Variants in GHR observed in about 807,000 individuals in gnomAD.
The protein encoded by GHR is GH receptor.
GHR carries 35 observed loss-of-function variants against 67.1 expected under a neutral mutation model. The observed-to-expected ratio is 0.52, with a 90% CI of 0.40 to 0.69. The LOEUF (loss-of-function observed/expected upper bound fraction) is 0.69. Among genes scored for constraint, GHR ranks in the 30% least tolerant of loss-of-function variants. The pLI, the probability that GHR is intolerant of heterozygous loss-of-function variation, is 0.00. For missense variants in GHR, 792 were observed against 764.6 expected, an observed-to-expected ratio of 1.04 and a Z score of -0.42; for synonymous variants, 272 against 269.1, an observed-to-expected ratio of 1.01 and a Z score of -0.10.
At chr5:42,672,032 C>A (rs894345127) in intron 3 of GHR, among the ~76,000 whole-genome samples, 1 of 151,148 alleles carries the variant, frequency 6.6e-6, no homozygotes, top group East Asian at 1.9e-4. Flanking sequence ...GACAAACCCA[C>A]AACAACATAA....
chr5:42,541,791 T>G (rs996008346), intron 1 of GHR, among the ~76,000 whole-genome samples: 1 of 152,148 alleles, frequency 6.6e-6, no homozygotes, highest in Admixed American at 6.5e-5. Context: ...GGAGTGTTAC[T>G]TATGGGGTAT....
chr5:42,599,574 T>A (rs1283157134), intron 2 of GHR, among the ~76,000 whole-genome samples: 1 of 152,044 alleles, frequency 6.6e-6, no homozygotes, highest in African/African-American at 2.4e-5. Context: ...TTGGCCAGGC[T>A]GGTCTTGAAC....
chr5:42,460,439 T>C (rs755545346), intron 1 of GHR, among the ~76,000 whole-genome samples: 1 of 152,218 alleles, frequency 6.6e-6, no homozygotes, highest in African/African-American at 2.4e-5. Flanking sequence ...CGCATGCTTT[T>C]GCTGTGAGTT....
intron 2 of GHR, among the ~76,000 whole-genome samples, chr5:42,590,178 A>G (rs1310661184): frequency 6.6e-6 from 1 of 152,218 alleles, no homozygotes; most frequent in Non-Finnish European, 1.5e-5. Flanking sequence ...CTGGGCAAGT[A>G]CATATATGAA....
chr5:42,531,007 G>A (rs1028006108), intron 1 of GHR, among the ~76,000 whole-genome samples: 17 of 152,108 alleles, frequency 1.1e-4, no homozygotes, highest in African/African-American at 3.6e-4. Context: ...AGTGGCTCAC[G>A]CCTGTAATCC....
intron 3 of GHR, among the ~76,000 whole-genome samples, chr5:42,681,912 G>A (rs1363017128): frequency 1.4e-5 from 2 of 142,226 alleles, no homozygotes; most frequent in Non-Finnish European, 3.0e-5. Context: ...GTCCAGCCTG[G>A]GCAAAAGGGC....
At chr5:42,619,458 C>A (rs1206490742) in intron 2 of GHR, among the ~76,000 whole-genome samples, 1 of 152,102 alleles carries the variant, frequency 6.6e-6, no homozygotes. Flanking sequence ...CTCCCCACAT[C>A]TTCCCAGCTG....
Position 42,719,883 on chromosome 5 carries a change from G to A in GHR, c.*459G>A. The stretch of plus-strand genomic sequence containing the variant: ...TTTATTTAAAAAACTAAAAACTAGA[G>A]GTGAGAAATTTAAACTATAAGCAAG... On this transcript the variant is annotated 3_prime_UTR_variant, in exon 10 of 10. Transcript: ENST00000230882. The A allele has an allele frequency of 5.5e-6, 1 of 180,630 alleles. No homozygotes were observed. The highest frequency in any genetic ancestry group is 2.4e-5 in the African/African-American group (1 of 41,756). 11.2% of individuals were successfully genotyped at this position (180,630 alleles called of 1,614,324 possible).
At chr5:42,597,305 A>T (rs1436686377) in intron 2 of GHR, among the ~76,000 whole-genome samples, 1 of 152,190 alleles carries the variant, frequency 6.6e-6, no homozygotes, top group African/African-American at 2.4e-5. Context: ...TAGTAAAATG[A>T]TCATGAAGTG....
At chr5:42,468,554 C>T (rs1360807218) in intron 1 of GHR, 1 of 867,170 alleles carries the variant, frequency 1.2e-6, no homozygotes, top group Non-Finnish European at 1.8e-6. Flanking sequence ...GACCCTTATT[C>T]CTTCTTTCTT....
At chr5:42,559,986 C>T (rs1749513774) in intron 1 of GHR, among the ~76,000 whole-genome samples, 1 of 152,082 alleles carries the variant, frequency 6.6e-6, no homozygotes, top group Admixed American at 6.6e-5. Context: ...GATATAATTT[C>T]ACAATATTTC....
intron 1 of GHR, among the ~76,000 whole-genome samples, chr5:42,437,978 G>GA (rs368436820): frequency 9.3e-5 from 14 of 151,006 alleles, no homozygotes; most frequent in South Asian, 2.1e-4. Context: ...GATTTCTAGA[G>GA]AAAAAAAAAT....
intron 2 of GHR, among the ~76,000 whole-genome samples, chr5:42,586,103 T>G (rs974465004): frequency 2.0e-5 from 3 of 152,216 alleles, no homozygotes; most frequent in African/African-American, 7.2e-5. Context: ...ATGTAAGCTA[T>G]TATTGTTATA....
intron 2 of GHR, among the ~76,000 whole-genome samples, chr5:42,581,387 G>C (rs1751161420): frequency 1.3e-5 from 2 of 152,278 alleles, no homozygotes; most frequent in South Asian, 2.1e-4. Flanking sequence ...AAAACTGTAA[G>C]TTGCAGTCCA....
chr5:42,522,594 G>A (rs1435282830), intron 1 of GHR, among the ~76,000 whole-genome samples: 1 of 152,022 alleles, frequency 6.6e-6, no homozygotes, highest in African/African-American at 2.4e-5. Flanking sequence ...ATTTTAATAT[G>A]ACAAATCAAA....
intron 1 of GHR, among the ~76,000 whole-genome samples, chr5:42,458,411 AAGCT>A (rs1177848210): frequency 6.6e-6 from 1 of 152,130 alleles, no homozygotes; most frequent in East Asian, 1.9e-4. Flanking sequence ...TGGGGCTGGG[AAGCT>A]AGCTAGCCAT....
chr5:42,566,651 GCTCT>G (rs1299594586), intron 2 of GHR, among the ~76,000 whole-genome samples: 2 of 149,142 alleles, frequency 1.3e-5, no homozygotes, highest in Non-Finnish European at 1.5e-5. Context: ...AGAAAACTGT[GCTCT>G]CTAACGGGTG....
chr5:42,442,847 C>G (rs1743636626), intron 1 of GHR, among the ~76,000 whole-genome samples: 1 of 152,212 alleles, frequency 6.6e-6, no homozygotes, highest in African/African-American at 2.4e-5. Flanking sequence ...TACACATTTT[C>G]TTTTTCACAA....
intron 2 of GHR, among the ~76,000 whole-genome samples, chr5:42,618,407 G>GC (rs1753275803): frequency 6.6e-6 from 1 of 152,106 alleles, no homozygotes; most frequent in Non-Finnish European, 1.5e-5. Context: ...TTTCTGCTAA[G>GC]ACTGCTAATT....
Sources: allele counts gnomAD v4.1 joint callset (sites outside exome capture counted in the v4.1 genomes callset), GRCh38; gene constraint gnomAD v4.1.1; transcripts MANE v1.5; gene names NCBI Gene and HGNC (gene_info 2026-07-23, HGNC 2026-07-21).